BMERB1: variants seen among roughly 807,000 people sequenced by gnomAD.
BMERB1 encodes the protein bMERB domain containing 1.
In BMERB1, 12 loss-of-function variants were observed where a neutral mutation model predicts 23.6. The observed-to-expected ratio is 0.51, with a 90% confidence interval of 0.33 to 0.82. BMERB1 has a LOEUF of 0.82. Ranked by LOEUF, BMERB1 falls within the 40% of genes least tolerant of loss-of-function variation. The probability of loss-of-function intolerance (pLI) is 0.03; values close to 1 mark genes in which losing one functional copy is unlikely to be tolerated. For missense variants in BMERB1, 247 were observed against 255.4 expected, an observed-to-expected ratio of 0.97 and a Z score of 0.22; for synonymous variants, 122 against 96.6, an observed-to-expected ratio of 1.26 and a Z score of -1.54.
intron 1 of BMERB1, among the ~76,000 whole-genome samples, chr16:15,506,874 T>C (rs1349042058): frequency 6.6e-6 from 1 of 152,200 alleles, no homozygotes; most frequent in Non-Finnish European, 1.5e-5. Context: ...TGATTGGCTT[T>C]CTGTGCAGCG....
intron 1 of BMERB1, among the ~76,000 whole-genome samples, chr16:15,464,672 A>G (rs1024748837): frequency 6.6e-6 from 1 of 152,202 alleles, no homozygotes; most frequent in South Asian, 2.1e-4. Context: ...AGAAGTTGCC[A>G]TGGCACTTGT....
intron 3 of BMERB1, among the ~76,000 whole-genome samples, chr16:15,579,090 G>GCTCT (rs1456523713): frequency 1.3e-5 from 2 of 151,568 alleles, no homozygotes; most frequent in African/African-American, 4.9e-5. Flanking sequence ...TGGAGACAGA[G>GCTCT]GTTTGCAGAT....
chr16:15,550,432 A>C (rs1248016079), intron 2 of BMERB1, among the ~76,000 whole-genome samples: 1 of 151,790 alleles, frequency 6.6e-6, no homozygotes, highest in Non-Finnish European at 1.5e-5. Flanking sequence ...TCCCAGGTTC[A>C]AGCGATCCTC....
intron 2 of BMERB1, among the ~76,000 whole-genome samples, chr16:15,522,630 C>T (rs1290460614): frequency 6.6e-6 from 1 of 152,204 alleles, no homozygotes; most frequent in Non-Finnish European, 1.5e-5. Context: ...GGTCAAGTCT[C>T]TTGCCCATGG....
chr16:15,558,170 G>A (rs1427823403), intron 2 of BMERB1, among the ~76,000 whole-genome samples: 10 of 152,066 alleles, frequency 6.6e-5, no homozygotes, highest in African/African-American at 2.4e-4. Flanking sequence ...CCTAGATAGC[G>A]AACCTGTCCC....
intron 3 of BMERB1, among the ~76,000 whole-genome samples, chr16:15,569,695 A>T (rs1222800072): frequency 6.6e-6 from 1 of 152,188 alleles, no homozygotes; most frequent in Non-Finnish European, 1.5e-5. Context: ...TCTGGGTGGC[A>T]GGTCCACGTG....
intron 1 of BMERB1, among the ~76,000 whole-genome samples, chr16:15,446,473 T>C (rs1299361002): frequency 6.6e-6 from 1 of 152,224 alleles, no homozygotes; most frequent in Non-Finnish European, 1.5e-5. Flanking sequence ...ATGTTTTACA[T>C]GCATCCTCCG....
chr16:15,546,506 G>A (rs997778053), intron 2 of BMERB1, among the ~76,000 whole-genome samples: 3 of 152,076 alleles, frequency 2.0e-5, no homozygotes, highest in Non-Finnish European at 4.4e-5. Context: ...CAAATAAACT[G>A]GGAAAGGAGG....
intron 1 of BMERB1, among the ~76,000 whole-genome samples, chr16:15,461,315 C>T (rs957260471): frequency 6.6e-6 from 1 of 152,108 alleles, no homozygotes; most frequent in African/African-American, 2.4e-5. Context: ...CACATAAGTA[C>T]AAAGCAGTGT....
At chr16:15,566,448 C>G (rs1484876988) in intron 2 of BMERB1, among the ~76,000 whole-genome samples, 1 of 152,124 alleles carries the variant, frequency 6.6e-6, no homozygotes, top group Non-Finnish European at 1.5e-5. Flanking sequence ...TAGGAAACAA[C>G]CCAGATGTCT....
Position 15,483,226 on chromosome 16 carries a change from T to C in BMERB1, c.107-32079T>C, listed in dbSNP as rs151021783. Among the ~76,000 whole-genome samples the C allele has an allele frequency of 2.5e-3, 374 of 152,322 alleles. 3 individuals carry two copies. The highest frequency in any genetic ancestry group is 8.1e-3 in the African/African-American group (337 of 41,562). On this transcript the variant is annotated intron_variant, in intron 1 of 5. Coordinates refer to ENST00000300006, the MANE Select transcript of BMERB1 (RefSeq NM_033201.3). ...TTTCCACTGTTATAAAGGTTGCTGT[T>C]GTGAGTTATCTTAGTGGGCTAAACT...
intron 2 of BMERB1, among the ~76,000 whole-genome samples, chr16:15,538,675 G>A (rs2052050802): frequency 6.6e-6 from 1 of 152,154 alleles, no homozygotes; most frequent in Non-Finnish European, 1.5e-5. Context: ...GATTAAATTC[G>A]GAAAGCTTGC....
intron 3 of BMERB1, among the ~76,000 whole-genome samples, chr16:15,576,678 G>T (rs2030867872): frequency 6.6e-6 from 1 of 151,998 alleles, no homozygotes; most frequent in Non-Finnish European, 1.5e-5. Context: ...CAAAATCGAG[G>T]TGTCAACAGG....
intron 1 of BMERB1, among the ~76,000 whole-genome samples, chr16:15,504,267 T>C (rs933691991): frequency 1.3e-5 from 2 of 152,140 alleles, no homozygotes; most frequent in African/African-American, 4.8e-5. Context: ...CTTTTCTCTC[T>C]TCTTAATTTT....
intron 1 of BMERB1, among the ~76,000 whole-genome samples, chr16:15,485,865 T>C (rs193173746): frequency 1.0e-3 from 158 of 152,266 alleles, no homozygotes; most frequent in Non-Finnish European, 5.6e-4. Context: ...GCTGACCTAC[T>C]TAGTGCACAG....
In BMERB1 at chr16:15,527,057, T is replaced by G. The variant is rs979557438; in HGVS notation, c.230+11629T>G. 7.3e-5 allele frequency among the ~76,000 whole-genome samples: 11 copies of G among 151,510 alleles called. 1 individual carries two copies. Among genetic ancestry groups the G allele is most frequent in the African/African-American group, 2.7e-4 (11 of 41,308 alleles). ...CTTATATGTAGTTTGCACACACACT[T>G]CTATTTTTTAAATTGTGGCAAAATA... On this transcript the variant is annotated intron_variant, in intron 2 of 5. Transcript: ENST00000300006.
intron 1 of BMERB1, among the ~76,000 whole-genome samples, chr16:15,483,920 G>T (rs1401132894): frequency 6.6e-6 from 1 of 152,174 alleles, no homozygotes; most frequent in East Asian, 1.9e-4. Flanking sequence ...AATAAAAGAG[G>T]TTTATTTGGC....
rs1012390658 is a variant in BMERB1, at chr16:15,480,261, G to A, written c.107-35044G>A. Among the ~76,000 whole-genome samples the A allele has an allele frequency of 8.6e-5, 13 of 151,288 alleles. No individual in the cohort carries two copies. In the East Asian group the frequency reaches 2.0e-3, roughly 23 times the overall value. On this transcript the variant is annotated intron_variant, in intron 1 of 5. Transcript: ENST00000300006. Reference sequence around the variant, plus strand: ...CCAAGTAGCTGGACTACAGGCACCCGCCACTATGCCCGGCTAATTTGTTTT... The same window carrying A: ...CCAAGTAGCTGGACTACAGGCACCCACCACTATGCCCGGCTAATTTGTTTT...
chr16:15,506,949 TC>T (rs2150946192), intron 1 of BMERB1, among the ~76,000 whole-genome samples: 1 of 152,270 alleles, frequency 6.6e-6, no homozygotes, highest in Non-Finnish European at 1.5e-5. Flanking sequence ...GTTTGACCAA[TC>T]ACTTATGACC....
Sources: gnomAD v4.1 joint callset for allele counts (sites outside exome capture counted in the v4.1 genomes callset) on GRCh38, gnomAD v4.1.1 for gene constraint, MANE v1.5 for transcripts, NCBI Gene and HGNC (gene_info 2026-07-23, HGNC 2026-07-21) for gene names.